KLF5: variants seen among roughly 807,000 people sequenced by gnomAD.
KLF5 encodes KLF transcription factor 5.
A neutral mutation model predicts 36.9 loss-of-function variants in KLF5; 9 were observed. That is an observed-to-expected ratio of 0.24 (90% CI 0.15 to 0.43). The LOEUF (loss-of-function observed/expected upper bound fraction) is 0.43. KLF5 is among the 20% of genes least tolerant of loss of function. The pLI is 1.00. For synonymous variants in KLF5, 246 were observed against 241.7 expected (o/e 1.02, Z -0.17); for missense variants, 524 against 599.5 (o/e 0.87, Z 1.31).
rs1428837086 is a variant in KLF5 at position 73,077,485 on chromosome 13, T to C, written c.*1599T>C. The C allele has an allele frequency of 6.6e-6, 1 of 152,610 alleles. No homozygotes were observed. The highest frequency in any genetic ancestry group is 1.5e-5 in the Non-Finnish European group (1 of 68,022). 9.5% of individuals were successfully genotyped at this position (152,610 alleles called of 1,614,324 possible). A position where few individuals can be genotyped will look rare whatever the true frequency, so the allele number is the denominator to read the frequency against. On this transcript the variant is annotated 3_prime_UTR_variant, in exon 4 of 4. Transcript: ENST00000377687. ...TGTAGAATTTTTTGAGAGAATGAGA[T>C]GTTTATATATTAACGACAATTTTTT...
Position 73,062,415 on chromosome 13 carries a change from G to C in KLF5, c.816G>C (p.Gln272His). 6.2e-7 allele frequency: 1 copy of C among 1,614,204 alleles called. No individual in the cohort carries two copies. Among genetic ancestry groups the C allele is most frequent in the Non-Finnish European group, 8.5e-7 (1 of 1,180,040 alleles). The change falls in exon 2 of 4, where the codon CAG (glutamine) becomes CAC (histidine). Residue 272 changes from glutamine to histidine, a missense_variant. This residue lies in a region of KLF5 where 454 missense variants were observed against 458.1 expected (regional missense o/e 0.99). Coordinates refer to ENST00000377687, the MANE Select transcript of KLF5 (RefSeq NM_001730.5). The stretch of plus-strand genomic sequence containing the variant: ...ACACACACACCTCTGCTGTTCCGCA[G>C]ACTGCAGTGAAACAATTCCAGGGCA... ...GLNTHTSAVP[Q>H]TAVKQFQGMP... is the part of the protein sequence containing the mutation.
upstream of KLF5, among the ~76,000 whole-genome samples, chr13:73,055,547 AATGACTTT>A (rs2044578014): frequency 6.6e-6 from 1 of 152,124 alleles, no homozygotes; most frequent in Admixed American, 6.6e-5. Context: ...CTATTTCCTT[AATGACTTT>A]TTTTCTGATG....
At chr13:73,070,478 T>C (rs1419445842) in intron 3 of KLF5, among the ~76,000 whole-genome samples, 1 of 152,252 alleles carries the variant, frequency 6.6e-6, no homozygotes, top group Non-Finnish European at 1.5e-5. Flanking sequence ...TTTGATTTCA[T>C]TAACTCTATT....
chr13:73,067,900 G>A (rs568770453), intron 3 of KLF5, among the ~76,000 whole-genome samples: 4 of 151,194 alleles, frequency 2.6e-5, no homozygotes, highest in Middle Eastern at 3.4e-3. Context: ...GAGTGCAATG[G>A]TGCGATCTCG....
At position 73,075,578 on chromosome 13, in the gene KLF5, A is replaced by G. The variant is rs1594400142; in HGVS notation, c.1196-130A>G. 4 of 730,700 alleles carry G rather than the reference A, an allele frequency of 5.5e-6. No individual in the cohort carries two copies. In the East Asian group the frequency reaches 1.0e-4, roughly 18 times the overall value. 45.3% of individuals were successfully genotyped at this position (730,700 alleles called of 1,614,324 possible). On this transcript the variant is annotated intron_variant, in intron 3 of 3. Transcript: ENST00000377687. ...TGGCTTTGATATGTATTTACTCATA[A>G]TGGAATTCATGAGCTTTCCTTCTTT...
intron 3 of KLF5, among the ~76,000 whole-genome samples, chr13:73,068,612 G>A (rs1338468183): frequency 6.7e-6 from 1 of 148,788 alleles, no homozygotes; most frequent in Non-Finnish European, 1.5e-5. Flanking sequence ...GCTGAGGCAA[G>A]AGACTCGTTT....
chr13:73,059,051 G>A lies in KLF5; in HGVS notation c.-277G>A, dbSNP rs2044606422. 1 of 311,050 alleles carries A rather than the reference G, an allele frequency of 3.2e-6. No individual in the cohort carries two copies. Among genetic ancestry groups the A allele is most frequent in the Non-Finnish European group, 5.9e-6 (1 of 169,860 alleles). 19.3% of individuals were successfully genotyped at this position (311,050 alleles called of 1,614,324 possible). ...GCTCGCGGTTCTCTCGCGGAGGTCG[G>A]CGGTGGCGGGAGCGGGCTCCGGAGA... On this transcript the variant is annotated 5_prime_UTR_variant, in exon 1 of 4. Transcript: ENST00000377687.
At chr13:73,074,373 C>T (rs2044743891) in intron 3 of KLF5, among the ~76,000 whole-genome samples, 1 of 152,118 alleles carries the variant, frequency 6.6e-6, no homozygotes, top group African/African-American at 2.4e-5. Flanking sequence ...CTCTGAGGTT[C>T]CTCCCTTTCA....
chr13:73,067,862 A>G (rs935706732), intron 3 of KLF5, among the ~76,000 whole-genome samples: 1 of 146,904 alleles, frequency 6.8e-6, no homozygotes, highest in African/African-American at 2.5e-5. Context: ...TTTTTTTGAG[A>G]TGAAGTCTCG....
chr13:73,062,893 CTT>C (rs368237900), intron 2 of KLF5, among the ~76,000 whole-genome samples, 159 bp downstream of exon 2: 2 of 146,526 alleles, frequency 1.4e-5, no homozygotes, highest in African/African-American at 2.5e-5. Context: ...AAAAAATTAC[CTT>C]TTTTTTTTTC....
chr13:73,076,118 C>A lies in KLF5; in HGVS notation c.*232C>A. 1.4e-4 allele frequency: 45 copies of A among 314,370 alleles called. No individual in the cohort carries two copies. The highest frequency in any genetic ancestry group is 9.2e-4 in the Middle Eastern group (1 of 1,084). The allele number at this position is 314,370 out of a possible 1,614,324, so 19.5% of individuals were successfully genotyped here. ...TGTAATGTATATGGCTTTACTCAAG[C>A]AGATCTCATCTCATGACAGGCAGCC... On this transcript the variant is annotated 3_prime_UTR_variant, in exon 4 of 4. Transcript: ENST00000377687.
At position 73,059,681 on chromosome 13, in the gene KLF5, T is replaced by C. The variant is rs970104421; in HGVS notation, c.261+93T>C. The C allele has an allele frequency of 3.2e-5, 31 of 974,704 alleles. No homozygotes were observed. The African/African-American group carries it at 5.1e-4, about 16-fold the overall frequency. 60.4% of individuals were successfully genotyped at this position (974,704 alleles called of 1,614,324 possible). A position where few individuals can be genotyped will look rare whatever the true frequency, so the allele number is the denominator to read the frequency against. On this transcript the variant is annotated intron_variant, in intron 1 of 3. Coordinates refer to ENST00000377687, the MANE Select transcript of KLF5 (RefSeq NM_001730.5). ...GCGGGCGACAGGGGCCGCTCCAGGC[T>C]GGGGCGTGCGTCGGGGCGCACCGGA...
chr13:73,063,989 T>C, intron 3 of KLF5, 106 bp downstream of exon 3: 1 of 603,932 alleles, frequency 1.7e-6, no homozygotes, highest in Non-Finnish European at 2.8e-6. Context: ...TCAACTTTGT[T>C]TTTTTTTTTT....
intron 3 of KLF5, among the ~76,000 whole-genome samples, chr13:73,069,881 T>C (rs1021804388): frequency 3.9e-5 from 6 of 152,210 alleles, no homozygotes; most frequent in African/African-American, 1.4e-4. Flanking sequence ...GGAGTGGAGA[T>C]AGAAATAATT....
At chr13:73,072,335 C>T (rs1461075350) in intron 3 of KLF5, among the ~76,000 whole-genome samples, 1 of 152,164 alleles carries the variant, frequency 6.6e-6, no homozygotes, top group African/African-American at 2.4e-5. Context: ...AAGGAGCTAT[C>T]GTTAGGTGAT....
At chr13:73,070,302 G>A (rs1415301645) in intron 3 of KLF5, among the ~76,000 whole-genome samples, 1 of 152,084 alleles carries the variant, frequency 6.6e-6, no homozygotes, top group Non-Finnish European at 1.5e-5. Context: ...AGGTTATCTA[G>A]TACTCATTCC....
At position 73,062,443 on chromosome 13, in the gene KLF5, C is replaced by G. The variant is rs150794367; in HGVS notation, c.844C>G (p.Pro282Ala). ...TGCAGTGAAACAATTCCAGGGCATG[C>G]CCCCTTGCACATACACAATGCCAAG... ...QTAVKQFQGM[P>A]PCTYTMPSQF... The change falls in exon 2 of 4, where the codon CCC becomes GCC. Residue 282 changes from proline to alanine, a missense_variant. By Grantham distance (27) the Pro-to-Ala change is conservative. Coordinates refer to ENST00000377687, the MANE Select transcript of KLF5 (RefSeq NM_001730.5). 1,405 of 1,614,078 alleles carry G rather than the reference C, an allele frequency of 8.7e-4. 3 individuals carry two copies. Among genetic ancestry groups the G allele is most frequent in the Non-Finnish European group, 9.5e-4 (1,121 of 1,180,050 alleles).
intron 3 of KLF5, among the ~76,000 whole-genome samples, chr13:73,068,501 C>T (rs1261597903): frequency 6.6e-6 from 1 of 151,862 alleles, no homozygotes; most frequent in East Asian, 1.9e-4. Flanking sequence ...TTTAGGGGTT[C>T]GAGACCAGCC....
chr13:73,058,456 T>A (rs1242943632), upstream of KLF5, among the ~76,000 whole-genome samples: 1 of 152,224 alleles, frequency 6.6e-6, no homozygotes, highest in Non-Finnish European at 1.5e-5. Flanking sequence ...AAGAGCTGTT[T>A]TAAATTTGTT....
Sources: allele counts gnomAD v4.1 joint callset (sites outside exome capture counted in the v4.1 genomes callset), GRCh38; gene constraint gnomAD v4.1.1; regional missense constraint gnomAD v4.1.1; transcripts MANE v1.5; gene names NCBI Gene and HGNC (gene_info 2026-07-23, HGNC 2026-07-21).